The following YBX2 variants were observed in gnomAD, a reference collection of about 807,000 sequenced individuals.
YBX2 encodes Y-box binding protein 2, also known as Y-box-binding protein 2.
YBX2 carries 5 observed loss-of-function variants against 44.4 expected under a neutral mutation model. The ratio of observed to expected loss-of-function variants is 0.11; its 90% CI spans 0.06 to 0.24. The LOEUF is 0.24. YBX2 is among the 10% of genes least tolerant of loss of function. YBX2 has a pLI of 1.00. For synonymous variants in YBX2, 188 were observed against 216.1 expected, an observed-to-expected ratio of 0.87 and a Z score of 1.14; for missense variants, 417 against 526.9, an observed-to-expected ratio of 0.79 and a Z score of 2.04.
At chr17:7,292,870 G>T (rs992055081) in intron 2 of YBX2, 5 of 161,630 alleles carry the variant, frequency 3.1e-5, no homozygotes, top group African/African-American at 1.2e-4. Context: ...GGAGAGCCAG[G>T]CCGGGCAGGA....
At chr17:7,289,415 A>G in intron 7 of YBX2, 115 bp downstream of exon 7, 1 of 1,461,806 alleles carries the variant, frequency 6.8e-7, no homozygotes, top group East Asian at 2.5e-5. Context: ...GGGTGGTGGC[A>G]GGGCCAGGGC....
Position 7,294,345 on chromosome 17 carries a change from G to T in YBX2, c.156C>A (p.Gly52=). ...GAGGGGGAAS[G]PAAGTPSAPG... ...GCGCCGAGGGGGTCCCAGCAGCGGGGCCCGAGGCGGCTCCGCCCCCGCCGC... is the reference window on the plus strand; with the variant it reads ...GCGCCGAGGGGGTCCCAGCAGCGGGTCCCGAGGCGGCTCCGCCCCCGCCGC... Residue 52 remains glycine, a synonymous_variant, in exon 1 of 9, where the codon GGC becomes GGA. Coordinates refer to ENST00000007699, the MANE Select transcript of YBX2 (RefSeq NM_015982.4). The surrounding 1 kb of genome is among the most constrained non-coding windows in gnomAD (Gnocchi z 4.6). 2 of 1,345,762 alleles carry T rather than the reference G, an allele frequency of 1.5e-6. No homozygotes were observed. The highest frequency in any genetic ancestry group is 9.5e-7 in the Non-Finnish European group (1 of 1,051,712). The allele number at this position is 1,345,762 out of a possible 1,614,324, so 83.4% of individuals were successfully genotyped here.
Position 7,291,027 on chromosome 17 carries a change from G to A in YBX2, c.459+66C>T. ...GCTGGCCCCAGGAGGGTCTTAGCCT[G>A]TGATGACCTCCAGGCCACCCTCCCG... On this transcript the variant is annotated intron_variant, in intron 4 of 8. Coordinates refer to ENST00000007699, the MANE Select transcript of YBX2 (RefSeq NM_015982.4). The surrounding 1 kb of genome is among the most constrained non-coding windows in gnomAD (Gnocchi z 5.8). 1 of 1,539,636 alleles carries A rather than the reference G, an allele frequency of 6.5e-7. No homozygotes were observed. The highest frequency in any genetic ancestry group is 1.7e-5 in the Admixed American group (1 of 59,910).
At chr17:7,292,209 G>A (rs2072506170) in intron 2 of YBX2, 150 bp from the exon 3 acceptor site, 1 of 891,614 alleles carries the variant, frequency 1.1e-6, no homozygotes, top group South Asian at 1.4e-5. Flanking sequence ...GAATGGGAGG[G>A]AGAGCCAGCA....
chr17:7,294,096 G>T lies in YBX2; in HGVS notation c.271+134C>A. ...CCAGGGGAATCCACTTTGGTGCGCA[G>T]CTCCCAGCCCAGTTAGCGCTCTGGG... On this transcript the variant is annotated intron_variant, in intron 1 of 8. Transcript: ENST00000007699. This position sits in a 1 kb window ranked among gnomAD's most constrained non-coding sequence, Gnocchi z 4.6. 9.7e-7 allele frequency: 1 copy of T among 1,030,622 alleles called. No homozygotes were observed. Among genetic ancestry groups the T allele is most frequent in the Non-Finnish European group, 1.2e-6 (1 of 802,376 alleles). The allele number at this position is 1,030,622 out of a possible 1,614,324, so 63.8% of individuals were successfully genotyped here.
At chr17:7,292,192 G>T in intron 2 of YBX2, 133 bp from the exon 3 acceptor site, 1 of 1,061,950 alleles carries the variant, frequency 9.4e-7, no homozygotes. Flanking sequence ...GGTGGACATG[G>T]CCTGGGGAAT....
intron 4 of YBX2, among the ~76,000 whole-genome samples, 187 bp from the exon 5 acceptor site, chr17:7,290,722 C>T (rs555760230): frequency 2.0e-5 from 3 of 152,324 alleles, no homozygotes; most frequent in South Asian, 4.1e-4. Flanking sequence ...GCAACATGTC[C>T]TTTTGAAATA....
chr17:7,289,693 G>A lies in YBX2; in HGVS notation c.881C>T (p.Thr294Ile). ...GGTCTCACCATCCCCACCTTCTGTG[G>A]TAGGCTGCTGGCGTGGCCTGGGGCG... ...PFRPRPRQQP[T>I]TEGGDGETKP... Residue 294 changes from threonine to isoleucine, a missense_variant, in exon 7 of 9, where the codon ACC (threonine) becomes ATC (isoleucine). Physicochemically the swap from Thr to Ile is moderately conservative, Grantham distance 89. This residue lies in a region of YBX2 where 257 missense variants were observed against 261.7 expected (regional missense o/e 0.98). Transcript: ENST00000007699. The A allele has an allele frequency of 1.2e-6, 2 of 1,613,628 alleles. No homozygotes were observed. The highest frequency in any genetic ancestry group is 1.7e-5 in the Admixed American group (1 of 59,958).
In YBX2 at chr17:7,288,618, G is replaced by A; in HGVS notation, c.*65C>T. The A allele has an allele frequency of 1.4e-6, 1 of 717,364 alleles. No individual in the cohort carries two copies. The highest frequency in any genetic ancestry group is 1.7e-5 in the South Asian group (1 of 57,522). 44.4% of individuals were successfully genotyped at this position (717,364 alleles called of 1,614,324 possible). On this transcript the variant is annotated 3_prime_UTR_variant, in exon 9 of 9. Transcript: ENST00000007699. ...GGAGCAGGGTACTGGGTAGGGTACA[G>A]GTCATTTGGAAAAACTGGCAGATAC...
Position 7,291,945 on chromosome 17 carries a change from C to A in YBX2, c.369+81G>T. ...GTGAAGAAGAGCCAGAGAAACATGGCGGAGCGCACTGCTAAGGATTACAGC... is the reference window on the plus strand; with the variant it reads ...GTGAAGAAGAGCCAGAGAAACATGGAGGAGCGCACTGCTAAGGATTACAGC... On this transcript the variant is annotated intron_variant, in intron 3 of 8. Transcript: ENST00000007699. The surrounding 1 kb of genome is among the most constrained non-coding windows in gnomAD (Gnocchi z 5.8). 6.4e-7 allele frequency: 1 copy of A among 1,557,822 alleles called. No homozygotes were observed. Among genetic ancestry groups the A allele is most frequent in the Non-Finnish European group, 8.9e-7 (1 of 1,129,420 alleles).
rs1285454903 is a variant in YBX2 at position 7,291,943 on chromosome 17, G to A, written c.369+83C>T. On this transcript the variant is annotated intron_variant, in intron 3 of 8. Coordinates refer to ENST00000007699, the MANE Select transcript of YBX2 (RefSeq NM_015982.4). This position sits in a 1 kb window ranked among gnomAD's most constrained non-coding sequence, Gnocchi z 5.8. ...TTGTGAAGAAGAGCCAGAGAAACATGGCGGAGCGCACTGCTAAGGATTACA... is the reference window on the plus strand; with the variant it reads ...TTGTGAAGAAGAGCCAGAGAAACATAGCGGAGCGCACTGCTAAGGATTACA... The A allele has an allele frequency of 1.9e-6, 3 of 1,551,448 alleles. No individual in the cohort carries two copies. The highest frequency in any genetic ancestry group is 2.7e-6 in the Non-Finnish European group (3 of 1,123,670).
At chr17:7,289,450 A>G in intron 7 of YBX2, 80 bp downstream of exon 7, 1 of 1,542,412 alleles carries the variant, frequency 6.5e-7, no homozygotes. Context: ...GCCAAAGGAT[A>G]GAGTAGGAAA....
Position 7,289,528 on chromosome 17 carries a change from A to T in YBX2, c.1044+2T>A. The T allele has an allele frequency of 6.3e-7, 1 of 1,597,898 alleles. No homozygotes were observed. Among genetic ancestry groups the T allele is most frequent in the Non-Finnish European group, 8.5e-7 (1 of 1,172,126 alleles). Reference sequence around the variant, plus strand: ...CTTTCATCCCACATCTGAGGTCCTCACCTCAGGGGCTGCGGGCTGCCGGGG... The same window carrying T: ...CTTTCATCCCACATCTGAGGTCCTCTCCTCAGGGGCTGCGGGCTGCCGGGG... On this transcript the variant is annotated splice_donor_variant, in intron 7 of 8. Coordinates refer to ENST00000007699, the MANE Select transcript of YBX2 (RefSeq NM_015982.4). LOFTEE classifies it high-confidence loss of function.
chr17:7,293,696 G>C, intron 1 of YBX2, 158 bp from the exon 2 acceptor site: 1 of 1,422,690 alleles, frequency 7.0e-7, no homozygotes, highest in Admixed American at 2.1e-5. Flanking sequence ...GTAGCTTCAA[G>C]GTATTCCTAC....
Position 7,289,684 on chromosome 17 carries a change from C to T in YBX2, c.890G>A (p.Gly297Asp), listed in dbSNP as rs1394744993. 1.9e-6 allele frequency: 3 copies of T among 1,614,108 alleles called. No individual in the cohort carries two copies. The highest frequency in any genetic ancestry group is 2.2e-5 in the South Asian group (2 of 91,082). The stretch of plus-strand genomic sequence containing the variant: ...GCTGGGCTTGGTCTCACCATCCCCA[C>T]CTTCTGTGGTAGGCTGCTGGCGTGG... ...PRPRQQPTTE[G>D]GDGETKPSQG... The change falls in exon 7 of 9, where the codon GGT becomes GAT. Residue 297 changes from glycine to aspartate, a missense_variant. Physicochemically the swap from Gly to Asp is moderately conservative, Grantham distance 94 (BLOSUM62 -1). Transcript: ENST00000007699.
intron 8 of YBX2, 31 bp downstream of exon 8, chr17:7,288,718 G>T: frequency 1.3e-6 from 2 of 1,586,914 alleles, no homozygotes; most frequent in Non-Finnish European, 1.7e-6. Context: ...TCACCTTCCT[G>T]GCCACCCACC....
chr17:7,289,478 G>T, intron 7 of YBX2, 52 bp downstream of exon 7: 1 of 1,554,174 alleles, frequency 6.4e-7, no homozygotes, highest in African/African-American at 1.4e-5. Flanking sequence ...GAGCAGGTGG[G>T]GGAGGGAGCT....
At chr17:7,289,898 T>G in intron 6 of YBX2, 70 bp downstream of exon 6, 1 of 1,600,308 alleles carries the variant, frequency 6.2e-7, no homozygotes, top group Non-Finnish European at 8.5e-7. Flanking sequence ...CACCCTTCCA[T>G]CCTCCTGTCC....
intron 7 of YBX2, among the ~76,000 whole-genome samples, chr17:7,289,116 C>T (rs985576048): frequency 6.6e-6 from 1 of 152,170 alleles, no homozygotes; most frequent in African/African-American, 2.4e-5. Context: ...CCTGCTTCTG[C>T]CTCCCAAAGT....
Sources: gnomAD v4.1 joint callset for allele counts (sites outside exome capture counted in the v4.1 genomes callset) on GRCh38, gnomAD v4.1.1 for gene constraint, gnomAD v4.1.1 regional missense constraint, Gnocchi (gnomAD v3.1) non-coding constraint, MANE v1.5 for transcripts, NCBI Gene and HGNC (gene_info 2026-07-23, HGNC 2026-07-21) for gene names.